Variants in KIF6 observed in about 807,000 individuals in gnomAD.
KIF6 encodes the protein kinesin family member 6.
A neutral mutation model predicts 112.7 loss-of-function variants in KIF6; 106 were observed. The ratio of observed to expected loss-of-function variants is 0.94; its 90% confidence interval spans 0.80 to 1.11. KIF6 has a LOEUF of 1.11. Ranked by LOEUF, KIF6 falls within the 50% of genes least tolerant of loss-of-function variation. KIF6 has a pLI of 0.00. For missense variants in KIF6, 929 were observed against 964.0 expected, an observed-to-expected ratio of 0.96 and a Z score of 0.48; for synonymous variants, 339 against 339.9, an observed-to-expected ratio of 1.00 and a Z score of 0.03.
intron 13 of KIF6, among the ~76,000 whole-genome samples, chr6:39,523,034 C>T (rs914281578): frequency 2.0e-5 from 3 of 152,192 alleles, no homozygotes; most frequent in African/African-American, 7.2e-5. Context: ...CATAGACATT[C>T]CCATCTCGTG....
At position 39,684,183 on chromosome 6, in the gene KIF6, T is replaced by C. The variant is rs141798319; in HGVS notation, c.251+30509A>G. Among the ~76,000 whole-genome samples, 120 of 152,250 alleles carry C rather than the reference T, an allele frequency of 7.9e-4. 1 individual carries two copies. Among genetic ancestry groups the C allele is most frequent in the African/African-American group, 2.7e-3 (114 of 41,536 alleles). On this transcript the variant is annotated intron_variant, in intron 3 of 22. Coordinates refer to ENST00000287152, the MANE Select transcript of KIF6 (RefSeq NM_145027.6). ...TGAAGGGAGACACAGGACACTTCCA[T>C]AGCTACCACAGTATGATGTTATGAA...
intron 13 of KIF6, among the ~76,000 whole-genome samples, chr6:39,491,785 G>A (rs1047525974): frequency 2.0e-5 from 3 of 152,158 alleles, no homozygotes; most frequent in Admixed American, 1.3e-4. Context: ...TTTTTATGTA[G>A]TAGTGGGAAG....
intron 10 of KIF6, among the ~76,000 whole-genome samples, chr6:39,562,666 A>T (rs928704264): frequency 2.0e-5 from 3 of 152,210 alleles, no homozygotes; most frequent in African/African-American, 7.2e-5. Flanking sequence ...AGTTAGCTGA[A>T]TGTTATTTGC....
chr6:39,336,681 C>T, intron 22 of KIF6, 133 bp from the exon 23 acceptor site: 1 of 774,392 alleles, frequency 1.3e-6, no homozygotes, highest in South Asian at 1.5e-5. Context: ...TGTCTTGCCT[C>T]CCAGGAGCTG....
intron 13 of KIF6, among the ~76,000 whole-genome samples, chr6:39,506,857 G>A (rs367824708): frequency 4.6e-5 from 7 of 152,152 alleles, no homozygotes; most frequent in Non-Finnish European, 1.0e-4. Context: ...GAAGGGCTTA[G>A]AGATTGAGTT....
At chr6:39,457,167 T>C (rs1433067268) in intron 13 of KIF6, among the ~76,000 whole-genome samples, 8 of 151,780 alleles carry the variant, frequency 5.3e-5, no homozygotes, top group Admixed American at 5.3e-4. Flanking sequence ...TATAACAAAC[T>C]ATCTCTCAGA....
intron 19 of KIF6, among the ~76,000 whole-genome samples, chr6:39,356,309 AG>A (rs1764684532): frequency 6.6e-6 from 1 of 150,998 alleles, no homozygotes; most frequent in Admixed American, 6.6e-5. Context: ...TCTGTCGCCC[AG>A]GCTGGAGTGC....
chr6:39,587,450 A>G (rs999243159), intron 7 of KIF6, among the ~76,000 whole-genome samples: 4 of 152,210 alleles, frequency 2.6e-5, no homozygotes, highest in Non-Finnish European at 5.9e-5. Flanking sequence ...ATATGTAACT[A>G]TACCACTAGT....
chr6:39,415,190 A>G (rs1282660662), intron 15 of KIF6, among the ~76,000 whole-genome samples: 4 of 152,154 alleles, frequency 2.6e-5, no homozygotes, highest in Admixed American at 1.3e-4. Context: ...CTGTCTCAAA[A>G]CAAACAAACA....
At chr6:39,566,075 C>G (rs1780259028) in intron 10 of KIF6, among the ~76,000 whole-genome samples, 1 of 152,184 alleles carries the variant, frequency 6.6e-6, no homozygotes, top group Non-Finnish European at 1.5e-5. Flanking sequence ...AAGTCCCTTG[C>G]AAAATCATCT....
intron 14 of KIF6, among the ~76,000 whole-genome samples, chr6:39,427,415 C>T (rs1378724153): frequency 6.6e-6 from 1 of 152,130 alleles, no homozygotes; most frequent in Non-Finnish European, 1.5e-5. Context: ...TTTCTTATTC[C>T]CCTTCCTTAA....
At chr6:39,586,747 A>G (rs554593266) in intron 7 of KIF6, among the ~76,000 whole-genome samples, 2 of 152,334 alleles carry the variant, frequency 1.3e-5, no homozygotes, top group African/African-American at 4.8e-5. Flanking sequence ...TACTTCAATT[A>G]CTTTAATACT....
At chr6:39,465,945 A>C (rs1014634093) in intron 13 of KIF6, among the ~76,000 whole-genome samples, 2 of 152,080 alleles carry the variant, frequency 1.3e-5, no homozygotes, top group African/African-American at 4.8e-5. Context: ...CCTGAAGCCC[A>C]CTTTAATTCT....
In KIF6 at chr6:39,442,658, G is replaced by A. The variant is rs375808624; in HGVS notation, c.1646-11497C>T. 4.5e-4 allele frequency among the ~76,000 whole-genome samples: 68 copies of A among 152,306 alleles called. 1 individual carries two copies. The East Asian group carries it at 0.011, about 25-fold the overall frequency. ...GAGTCTTTTCTATTGATTTTAGCCC[G>A]TAGATGTGGCAGCACTGAAAAAGCC... On this transcript the variant is annotated intron_variant, in intron 13 of 22. Transcript: ENST00000287152.
intron 15 of KIF6, among the ~76,000 whole-genome samples, chr6:39,404,553 C>T (rs891984429): frequency 6.6e-6 from 1 of 152,212 alleles, no homozygotes; most frequent in Non-Finnish European, 1.5e-5. Context: ...CCAGTGTCAA[C>T]ACTGTCTTAA....
chr6:39,563,712 G>A (rs1780136385), intron 10 of KIF6, among the ~76,000 whole-genome samples: 1 of 152,094 alleles, frequency 6.6e-6, no homozygotes, highest in Non-Finnish European at 1.5e-5. Context: ...GCTTTTCAGG[G>A]CTGCCCAGCA....
chr6:39,685,618 A>T (rs1237868072), intron 3 of KIF6, among the ~76,000 whole-genome samples: 1 of 152,232 alleles, frequency 6.6e-6, no homozygotes. Flanking sequence ...ATTTCAGTTA[A>T]TATTTTACTC....
chr6:39,623,543 T>TA (rs1384161902), intron 5 of KIF6, among the ~76,000 whole-genome samples: 1 of 152,212 alleles, frequency 6.6e-6, no homozygotes, highest in Non-Finnish European at 1.5e-5. Context: ...GAGATCTATT[T>TA]AGCCATTATT....
At chr6:39,524,492 T>A (rs1409760112) in intron 13 of KIF6, among the ~76,000 whole-genome samples, 1 of 152,164 alleles carries the variant, frequency 6.6e-6, no homozygotes, top group Non-Finnish European at 1.5e-5. Context: ...AAGGTCGTAT[T>A]CCTCCAGCTG....
Sources: allele counts gnomAD v4.1 joint callset (sites outside exome capture counted in the v4.1 genomes callset), GRCh38; gene constraint gnomAD v4.1.1; transcripts MANE v1.5; gene names NCBI Gene and HGNC (gene_info 2026-07-23, HGNC 2026-07-21).